The following CDH18 variants were observed in gnomAD, a reference collection of about 807,000 sequenced individuals.
The protein encoded by CDH18 is cadherin 18.
A neutral mutation model predicts 67.9 loss-of-function variants in CDH18; 31 were observed. That is an observed-to-expected ratio of 0.46 (90% CI 0.34 to 0.62). CDH18 has a LOEUF of 0.62. CDH18 is among the 20% of genes least tolerant of loss of function. The pLI is 0.01. For synonymous variants in CDH18, 362 were observed against 347.2 expected, an observed-to-expected ratio of 1.04 and a Z score of -0.48; for missense variants, 890 against 975.5, an observed-to-expected ratio of 0.91 and a Z score of 1.17.
At chr5:20,209,922 A>G (rs1207521939) in intron 2 of CDH18, among the ~76,000 whole-genome samples, 1 of 151,700 alleles carries the variant, frequency 6.6e-6, no homozygotes, top group East Asian at 1.9e-4. Flanking sequence ...TGAATGTATC[A>G]GATTATCACA....
chr5:19,535,089 C>G (rs1335532311), intron 9 of CDH18, among the ~76,000 whole-genome samples: 1 of 152,116 alleles, frequency 6.6e-6, no homozygotes, highest in East Asian at 1.9e-4. Flanking sequence ...TACCTCTGAA[C>G]CTGAATAACC....
At chr5:20,383,161 T>C (rs1269285330) in intron 1 of CDH18, among the ~76,000 whole-genome samples, 8 of 152,220 alleles carry the variant, frequency 5.3e-5, no homozygotes, top group Non-Finnish European at 2.9e-5. Flanking sequence ...ATATAGCTAA[T>C]ATAAAGTAGC....
intron 1 of CDH18, among the ~76,000 whole-genome samples, chr5:20,329,226 G>C (rs898621470): frequency 6.6e-6 from 1 of 152,240 alleles, no homozygotes; most frequent in African/African-American, 2.4e-5. Context: ...AGTTATATGG[G>C]AGGAACAAAG....
At chr5:19,644,750 C>T (rs1561531807) in intron 5 of CDH18, among the ~76,000 whole-genome samples, 1 of 152,164 alleles carries the variant, frequency 6.6e-6, no homozygotes, top group African/African-American at 2.4e-5. Context: ...TCTCAGGCTG[C>T]TGAACCTCTG....
At chr5:19,914,272 T>C (rs79329050) in intron 2 of CDH18, among the ~76,000 whole-genome samples, 4,431 of 152,152 alleles carry the variant, frequency 0.029, 239 homozygotes, top group African/African-American at 0.1. Flanking sequence ...ACCATTCCGT[T>C]ATATGCATTT....
At chr5:19,610,028 G>T (rs1446877773) in intron 6 of CDH18, among the ~76,000 whole-genome samples, 1 of 152,088 alleles carries the variant, frequency 6.6e-6, no homozygotes, top group Non-Finnish European at 1.5e-5. Flanking sequence ...TTGTCATGGT[G>T]ACACCAAACT....
intron 2 of CDH18, among the ~76,000 whole-genome samples, chr5:20,138,926 G>C (rs1245494200): frequency 6.6e-6 from 1 of 152,042 alleles, no homozygotes; most frequent in Admixed American, 6.6e-5. Flanking sequence ...TCCTCATCAA[G>C]CTACCAATGA....
At chr5:19,671,688 T>C (rs1254611034) in intron 5 of CDH18, among the ~76,000 whole-genome samples, 1 of 152,108 alleles carries the variant, frequency 6.6e-6, no homozygotes, top group East Asian at 1.9e-4. Flanking sequence ...TGGCTGGATA[T>C]GATGGATAAA....
chr5:19,517,602 A>T (rs1030217097), intron 10 of CDH18, among the ~76,000 whole-genome samples: 1 of 151,992 alleles, frequency 6.6e-6, no homozygotes, highest in Non-Finnish European at 1.5e-5. Context: ...ACTTTTGCTA[A>T]TATTTTACTT....
chr5:20,073,641 A>G (rs905900524), intron 2 of CDH18, among the ~76,000 whole-genome samples: 2 of 152,072 alleles, frequency 1.3e-5, no homozygotes, highest in African/African-American at 2.4e-5. Flanking sequence ...TAAGCTACTT[A>G]TATTTGAGAC....
At chr5:20,128,227 C>G (rs1408146443) in intron 2 of CDH18, among the ~76,000 whole-genome samples, 1 of 151,982 alleles carries the variant, frequency 6.6e-6, no homozygotes, top group Non-Finnish European at 1.5e-5. Flanking sequence ...CTCTCCTATT[C>G]ACCTCACGAA....
intron 2 of CDH18, among the ~76,000 whole-genome samples, chr5:20,196,844 G>T (rs1334181609): frequency 6.6e-6 from 1 of 152,114 alleles, no homozygotes; most frequent in Non-Finnish European, 1.5e-5. Context: ...CAGCATTATT[G>T]TAATTATCTG....
chr5:20,438,066 T>G (rs980704486), intron 1 of CDH18, among the ~76,000 whole-genome samples: 1 of 151,268 alleles, frequency 6.6e-6, no homozygotes, highest in Admixed American at 6.6e-5. Flanking sequence ...ATTTAAAATT[T>G]CTGTTAATTC....
At chr5:19,539,523 G>A (rs1001747606) in intron 9 of CDH18, among the ~76,000 whole-genome samples, 1 of 152,036 alleles carries the variant, frequency 6.6e-6, no homozygotes. Flanking sequence ...CTAAAGCATG[G>A]CTTCTGATTG....
chr5:19,637,851 C>A (rs1753392380), intron 5 of CDH18, among the ~76,000 whole-genome samples: 1 of 152,152 alleles, frequency 6.6e-6, no homozygotes, highest in Non-Finnish European at 1.5e-5. Context: ...CACTCCTAAG[C>A]TGCACCCAAA....
chr5:19,794,013 TTTGA>T (rs1416346308), intron 3 of CDH18, among the ~76,000 whole-genome samples: 13 of 152,270 alleles, frequency 8.5e-5, no homozygotes, highest in African/African-American at 3.1e-4. Context: ...TTGAAAAATA[TTTGA>T]TTATTTATGA....
intron 2 of CDH18, among the ~76,000 whole-genome samples, chr5:20,253,194 C>T (rs1743991364): frequency 6.6e-6 from 1 of 152,080 alleles, no homozygotes; most frequent in African/African-American, 2.4e-5. Flanking sequence ...CACAAGAATT[C>T]ACTGGCACAT....
intron 2 of CDH18, among the ~76,000 whole-genome samples, chr5:19,942,645 G>T (rs550816086): frequency 6.6e-6 from 1 of 152,242 alleles, no homozygotes; most frequent in South Asian, 2.1e-4. Context: ...TCCACAAGCT[G>T]ATAGATGTCA....
At chr5:19,970,460 A>C (rs1180168646) in intron 2 of CDH18, among the ~76,000 whole-genome samples, 1 of 151,454 alleles carries the variant, frequency 6.6e-6, no homozygotes, top group African/African-American at 2.4e-5. Context: ...AATATTTTTC[A>C]TTTAAGATCA....
Sources: allele counts gnomAD v4.1 joint callset (sites outside exome capture counted in the v4.1 genomes callset), GRCh38; gene constraint gnomAD v4.1.1; transcripts MANE v1.5; gene names NCBI Gene and HGNC (gene_info 2026-07-23, HGNC 2026-07-21).